Variants in TINAG observed in about 807,000 individuals in gnomAD.
TINAG encodes the protein tubulointerstitial nephritis antigen.
A neutral mutation model predicts 72.7 loss-of-function variants in TINAG; 83 were observed. That is an observed-to-expected ratio of 1.14 (90% confidence interval 0.96 to 1.37). The LOEUF is 1.37. TINAG is among the 40% of genes most tolerant of loss of function. The pLI, the probability that TINAG is intolerant of heterozygous loss-of-function variation, is 0.00. For synonymous variants in TINAG, 234 were observed against 189.9 expected, an observed-to-expected ratio of 1.23 and a Z score of -1.91; for missense variants, 685 against 576.6, an observed-to-expected ratio of 1.19 and a Z score of -1.93.
At chr6:54,372,189 A>C (rs61162221) in intron 9 of TINAG, among the ~76,000 whole-genome samples, 15,368 of 151,602 alleles carry the variant, frequency 0.1, 1,468 homozygotes, top group East Asian at 0.3. Context: ...ACGGGGTTTC[A>C]CCATGTTGGC....
At chr6:54,321,521 G>T in intron 3 of TINAG, 135 bp downstream of exon 3, 2 of 626,076 alleles carry the variant, frequency 3.2e-6, no homozygotes, top group South Asian at 4.0e-5. Flanking sequence ...GAGATAGAAA[G>T]CATGTAAACC....
intron 9 of TINAG, among the ~76,000 whole-genome samples, chr6:54,362,011 G>T (rs534219321): frequency 1.3e-5 from 2 of 151,656 alleles, no homozygotes; most frequent in African/African-American, 4.8e-5. Flanking sequence ...AGCAGAGATT[G>T]GTTCATAAGG....
At chr6:54,320,679 G>A (rs1262295944) in intron 2 of TINAG, 37 bp downstream of exon 2, 2 of 1,489,458 alleles carry the variant, frequency 1.3e-6, no homozygotes, top group South Asian at 2.5e-5. Flanking sequence ...GAGTTCTACT[G>A]TGTGTGTATG....
intron 10 of TINAG, among the ~76,000 whole-genome samples, chr6:54,382,585 A>G (rs1436000653): frequency 3.3e-5 from 5 of 152,124 alleles, no homozygotes; most frequent in African/African-American, 4.8e-5. Flanking sequence ...GATATAGATG[A>G]TATAGATATT....
rs138815260 is a variant in TINAG, at chr6:54,325,276, G to A, written c.510-1526G>A. 3.1e-3 allele frequency among the ~76,000 whole-genome samples: 476 copies of A among 152,268 alleles called. 3 individuals carry two copies. The highest frequency in any genetic ancestry group is 0.01 in the African/African-American group (432 of 41,556). On this transcript the variant is annotated intron_variant, in intron 3 of 10. Coordinates refer to ENST00000259782, the MANE Select transcript of TINAG (RefSeq NM_014464.4). Reference sequence around the variant, plus strand: ...TTTCTATCTTTGCAGTGTTTCTTAAGGTATGAGCTTCTTAAATGTAGAGAA... The same window carrying A: ...TTTCTATCTTTGCAGTGTTTCTTAAAGTATGAGCTTCTTAAATGTAGAGAA...
chr6:54,330,880 C>A (rs1347412399), intron 4 of TINAG, among the ~76,000 whole-genome samples: 2 of 152,266 alleles, frequency 1.3e-5, no homozygotes, highest in African/African-American at 4.8e-5. Context: ...TTCCTGGGCA[C>A]ATACACCCTC....
intron 8 of TINAG, among the ~76,000 whole-genome samples, chr6:54,353,665 T>C (rs1038645204): frequency 5.9e-5 from 9 of 151,852 alleles, no homozygotes; most frequent in Admixed American, 3.3e-4. Context: ...ACTGGAACAT[T>C]GAAAAGTTAT....
intron 6 of TINAG, among the ~76,000 whole-genome samples, chr6:54,347,892 T>C (rs1785164566): frequency 6.6e-6 from 1 of 152,040 alleles, no homozygotes. Context: ...GAACAGATAA[T>C]GTCAGGTAAA....
rs2150982491 is a variant in TINAG, at chr6:54,380,570, G to T, written c.1295G>T (p.Trp432Leu). ...GCACAAGGGCAGAAAGAAAAATTTT[G>T]GGTATGTAACTCTTTCCAGTTGAAT... ...RGAQGQKEKF[W>L]IAANSWGKSW... The change falls in exon 10 of 11, where the codon TGG becomes TTG. Residue 432 changes from tryptophan to leucine, a missense_variant and splice_region_variant. Transcript: ENST00000259782. 2 of 1,609,758 alleles carry T rather than the reference G, an allele frequency of 1.2e-6. No homozygotes were observed. The highest frequency in any genetic ancestry group is 2.2e-5 in the South Asian group (2 of 90,726).
At chr6:54,331,463 T>C (rs917010814) in intron 4 of TINAG, among the ~76,000 whole-genome samples, 3 of 152,156 alleles carry the variant, frequency 2.0e-5, no homozygotes, top group Admixed American at 2.0e-4. Context: ...TATTTCAAAA[T>C]AGTAAGAATT....
chr6:54,351,481 T>C, intron 8 of TINAG, 84 bp downstream of exon 8: 2 of 1,317,866 alleles, frequency 1.5e-6, no homozygotes, highest in Non-Finnish European at 2.1e-6. Context: ...AGGAGTTTAA[T>C]AAAATAAAGA....
chr6:54,382,282 T>C (rs1763975781), intron 10 of TINAG, among the ~76,000 whole-genome samples: 2 of 151,862 alleles, frequency 1.3e-5, no homozygotes, highest in South Asian at 2.1e-4. Context: ...TAATTGAGGC[T>C]TTTTTCTCTA....
chr6:54,308,609 A>G lies in TINAG; in HGVS notation c.59A>G (p.Glu20Gly), dbSNP rs1243682990. 1 of 1,613,658 alleles carries G rather than the reference A, an allele frequency of 6.2e-7. No homozygotes were observed. The highest frequency in any genetic ancestry group is 2.2e-5 in the East Asian group (1 of 44,866). Residue 20 changes from glutamate (E) to glycine (G), a missense_variant, in exon 1 of 11, where the codon GAG (glutamate) becomes GGG (glycine). Glu to Gly is a moderately conservative substitution (Grantham distance 98). Coordinates refer to ENST00000259782, the MANE Select transcript of TINAG (RefSeq NM_014464.4). ...FSYLTTEIWM[E>G]KQYLSQREVD... ...TATCTTACTACAGAAATCTGGATGG[A>G]GAAGCAGTATTTATCTCAAAGAGAA...
chr6:54,336,702 C>T (rs1784872416), intron 4 of TINAG, among the ~76,000 whole-genome samples: 1 of 151,790 alleles, frequency 6.6e-6, no homozygotes, highest in South Asian at 2.1e-4. Flanking sequence ...ATTTGTTTCC[C>T]AAGGAGACTA....
intron 1 of TINAG, among the ~76,000 whole-genome samples, chr6:54,318,715 T>C (rs1784425679): frequency 6.6e-6 from 1 of 152,094 alleles, no homozygotes; most frequent in Admixed American, 6.6e-5. Context: ...ACGATCTCTG[T>C]AAATGCTGTG....
intron 4 of TINAG, among the ~76,000 whole-genome samples, chr6:54,335,773 T>C (rs1274379278): frequency 6.6e-6 from 1 of 152,162 alleles, no homozygotes; most frequent in African/African-American, 2.4e-5. Context: ...CGATTAGTGG[T>C]GCACTCCCCT....
At chr6:54,356,305 C>T (rs371900882) in intron 9 of TINAG, among the ~76,000 whole-genome samples, 10 of 151,732 alleles carry the variant, frequency 6.6e-5, no homozygotes, top group African/African-American at 2.2e-4. Flanking sequence ...GAGGGCAAGG[C>T]GAGTGGATTG....
chr6:54,341,518 T>A (rs912715037), intron 4 of TINAG, among the ~76,000 whole-genome samples: 1 of 152,124 alleles, frequency 6.6e-6, no homozygotes, highest in African/African-American at 2.4e-5. Flanking sequence ...TACAATAACT[T>A]TCTTGTCAGG....
At chr6:54,322,507 C>G (rs775242326) in intron 3 of TINAG, among the ~76,000 whole-genome samples, 5 of 152,118 alleles carry the variant, frequency 3.3e-5, no homozygotes, top group Non-Finnish European at 7.4e-5. Context: ...AAAGATTTCA[C>G]ATAAAAAGAT....
Sources: gnomAD v4.1 joint callset for allele counts (sites outside exome capture counted in the v4.1 genomes callset) on GRCh38, gnomAD v4.1.1 for gene constraint, MANE v1.5 for transcripts, NCBI Gene and HGNC (gene_info 2026-07-23, HGNC 2026-07-21) for gene names.